PIEZO2: variants seen among roughly 807,000 people sequenced by gnomAD.
PIEZO2 encodes the protein piezo-type mechanosensitive ion channel component 2.
In PIEZO2, 172 loss-of-function variants were observed where a neutral mutation model predicts 337.3. The observed-to-expected ratio is 0.51, with a 90% CI of 0.45 to 0.58. The LOEUF is 0.58. Ranked by LOEUF, PIEZO2 falls within the 20% of genes least tolerant of loss-of-function variation. PIEZO2 has a pLI of 0.00. For missense variants in PIEZO2, 3,028 were observed against 3,391.3 expected (o/e 0.89, Z 2.66); for synonymous variants, 1,251 against 1,228.5 (o/e 1.02, Z -0.38).
chr18:10,898,439 G>A (rs1442228213), intron 4 of PIEZO2, among the ~76,000 whole-genome samples: 2 of 151,932 alleles, frequency 1.3e-5, no homozygotes, highest in East Asian at 1.9e-4. Flanking sequence ...AAAGGAAATA[G>A]GAGAAAGAAA....
At chr18:11,085,857 C>T (rs762810077) in intron 1 of PIEZO2, among the ~76,000 whole-genome samples, 9 of 142,998 alleles carry the variant, frequency 6.3e-5, no homozygotes, top group East Asian at 2.0e-4. Context: ...AAAAAAAAAA[C>T]GGAGAGAGTG....
chr18:10,859,098 T>C lies in PIEZO2; in HGVS notation c.493-1887A>G, dbSNP rs1423819583. 6.6e-6 allele frequency among the ~76,000 whole-genome samples: 1 copy of C among 152,146 alleles called. No individual in the cohort carries two copies. The highest frequency in any genetic ancestry group is 2.4e-5 in the African/African-American group (1 of 41,424). On this transcript the variant is annotated intron_variant, in intron 5 of 55. Transcript: ENST00000674853. The surrounding 1 kb of genome is among the most constrained non-coding windows in gnomAD (Gnocchi z 4.9). ...ATAGGGTGATGTGGTAGTGATAAAC[T>C]GGGTGGCTGTTTCCGATTCAGAGGT...
At chr18:10,915,439 G>A (rs544677583) in intron 3 of PIEZO2, among the ~76,000 whole-genome samples, 5 of 151,956 alleles carry the variant, frequency 3.3e-5, no homozygotes, top group African/African-American at 4.8e-5. Context: ...ACTCAAGATA[G>A]ACAATGAAAA....
intron 2 of PIEZO2, among the ~76,000 whole-genome samples, chr18:11,029,952 TG>T: frequency 6.6e-6 from 1 of 152,240 alleles, no homozygotes. Flanking sequence ...CTCTATGATT[TG>T]ATCTGAACAA....
intron 1 of PIEZO2, among the ~76,000 whole-genome samples, chr18:11,098,628 A>C (rs2039324956): frequency 6.6e-6 from 1 of 151,242 alleles, no homozygotes; most frequent in Non-Finnish European, 1.5e-5. Flanking sequence ...TGTTTAGGTC[A>C]TGAGGGCTCC....
intron 7 of PIEZO2, among the ~76,000 whole-genome samples, chr18:10,844,527 G>A (rs967141991): frequency 6.6e-6 from 1 of 151,804 alleles, no homozygotes; most frequent in South Asian, 2.1e-4. Context: ...GGTGGCTCAC[G>A]CCTGTAATGC....
At chr18:10,936,930 T>A (rs2032433453) in intron 3 of PIEZO2, among the ~76,000 whole-genome samples, 1 of 152,148 alleles carries the variant, frequency 6.6e-6, no homozygotes, top group East Asian at 1.9e-4. Context: ...ACTCCCTCCT[T>A]GTGAATCCCC....
At chr18:10,778,663 C>G (rs138000392) in intron 18 of PIEZO2, among the ~76,000 whole-genome samples, 1 of 152,144 alleles carries the variant, frequency 6.6e-6, no homozygotes, top group South Asian at 2.1e-4. Context: ...TATATTCACA[C>G]AAAAATAGGA....
intron 4 of PIEZO2, among the ~76,000 whole-genome samples, chr18:10,898,034 T>C (rs980174666): frequency 1.3e-5 from 2 of 152,248 alleles, no homozygotes; most frequent in Non-Finnish European, 2.9e-5. Context: ...AAACTGTCTA[T>C]TAAATTAAGT....
At chr18:11,060,812 G>A (rs1261247313) in intron 2 of PIEZO2, among the ~76,000 whole-genome samples, 7 of 152,118 alleles carry the variant, frequency 4.6e-5, no homozygotes, top group African/African-American at 7.2e-5. Flanking sequence ...ATTCACAGCC[G>A]AATTCTACCA....
rs1345924152 is a variant in PIEZO2, at chr18:11,078,719, C to A, written c.65-12497G>T. Among the ~76,000 whole-genome samples the A allele has an allele frequency of 6.6e-6, 1 of 152,186 alleles. No homozygotes were observed. The highest frequency in any genetic ancestry group is 1.5e-5 in the Non-Finnish European group (1 of 68,042). The stretch of plus-strand genomic sequence containing the variant: ...GCCTCTGACCACAGTGTGAAAACCT[C>A]GCTCCCAGAGCAACATCCAAATAGC... On this transcript the variant is annotated intron_variant, in intron 1 of 55. Coordinates refer to ENST00000674853, the MANE Select transcript of PIEZO2 (RefSeq NM_001378183.1). The surrounding 1 kb of genome is among the most constrained non-coding windows in gnomAD (Gnocchi z 5.3).
chr18:10,714,993 A>G, intron 38 of PIEZO2, 63 bp from the exon 39 acceptor site: 1 of 1,474,826 alleles, frequency 6.8e-7, no homozygotes, highest in Non-Finnish European at 9.1e-7. Flanking sequence ...GCCACCTGGC[A>G]TTTCTCAACA....
chr18:10,966,293 C>A (rs915761706), intron 3 of PIEZO2, among the ~76,000 whole-genome samples: 3 of 152,176 alleles, frequency 2.0e-5, no homozygotes, highest in Non-Finnish European at 4.4e-5. Flanking sequence ...TCCTTAATAT[C>A]TCCCCACCAT....
chr18:10,877,091 T>C lies in PIEZO2; in HGVS notation c.330-5676A>G, dbSNP rs2042287219. Among the ~76,000 whole-genome samples, 1 of 152,232 alleles carries C rather than the reference T, an allele frequency of 6.6e-6. No individual in the cohort carries two copies. Among genetic ancestry groups the C allele is most frequent in the Non-Finnish European group, 1.5e-5 (1 of 68,038 alleles). ...CCCCACTAAGAAATTCTGACTTGTA[T>C]TGTAGCCACCAGACTCTTCTCTACG... On this transcript the variant is annotated intron_variant, in intron 4 of 55. Transcript: ENST00000674853. The surrounding 1 kb of genome is among the most constrained non-coding windows in gnomAD (Gnocchi z 5.3).
Position 11,038,972 on chromosome 18 carries a change from C to A in PIEZO2, c.160+27155G>T, listed in dbSNP as rs899235319. ...ATAGGTGGATAGGTGTTTGATATAT[C>A]CTTACGCAAAATAACTGGGCAAAAG... On this transcript the variant is annotated intron_variant, in intron 2 of 55. Coordinates refer to ENST00000674853, the MANE Select transcript of PIEZO2 (RefSeq NM_001378183.1). This position sits in a 1 kb window ranked among gnomAD's most constrained non-coding sequence, Gnocchi z 4.1. Among the ~76,000 whole-genome samples, 10 of 152,104 alleles carry A rather than the reference C, an allele frequency of 6.6e-5. No individual in the cohort carries two copies. Among genetic ancestry groups the A allele is most frequent in the African/African-American group, 2.4e-4 (10 of 41,426 alleles).
chr18:10,757,734 A>C (rs775652109), intron 27 of PIEZO2, among the ~76,000 whole-genome samples: 13 of 151,962 alleles, frequency 8.6e-5, no homozygotes, highest in Non-Finnish European at 1.9e-4. Flanking sequence ...TATGAAGAAG[A>C]GGAGGAGAAC....
rs1049857710 is a variant in PIEZO2, at chr18:11,038,650, C to T, written c.160+27477G>A. ...AGAGCATTCCATCAGAGCCCAGAAA[C>T]GTGGCTTCCTCTACTGGCCCTACCA... On this transcript the variant is annotated intron_variant, in intron 2 of 55. Coordinates refer to ENST00000674853, the MANE Select transcript of PIEZO2 (RefSeq NM_001378183.1). The surrounding 1 kb of genome is among the most constrained non-coding windows in gnomAD (Gnocchi z 4.1). Among the ~76,000 whole-genome samples, 1 of 152,150 alleles carries T rather than the reference C, an allele frequency of 6.6e-6. No individual in the cohort carries two copies.
In PIEZO2 at chr18:10,705,651, G is replaced by A. The variant is rs143388122; in HGVS notation, c.5684C>T (p.Thr1895Met). 84 of 1,536,984 alleles carry A rather than the reference G, an allele frequency of 5.5e-5. No homozygotes were observed. In the East Asian group the frequency reaches 1.3e-3, roughly 23 times the overall value. The part of the protein sequence containing the change: ...EAEQEEEAGS[T>M]APEPREAKEY... ...CTTGGCCTCCCTGGGCTCAGGCGCC[G>A]TGCTCCCTGCCTCCTCCTCCTGCTC... Residue 1895 changes from threonine to methionine, a missense_variant, in exon 41 of 56, where the codon ACG (threonine) becomes ATG (methionine). Thr to Met is a moderately conservative substitution (Grantham distance 81). Around this residue, in one of 5 missense-constraint regions of PIEZO2, gnomAD observed 1,925 missense variants for 2,051.9 expected, o/e 0.94. Transcript: ENST00000674853.
rs2033419669 is a variant in PIEZO2 at position 10,954,078 on chromosome 18, T to A, written c.286+25457A>T. 6.6e-6 allele frequency among the ~76,000 whole-genome samples: 1 copy of A among 152,252 alleles called. No homozygotes were observed. The highest frequency in any genetic ancestry group is 2.1e-4 in the South Asian group (1 of 4,832). On this transcript the variant is annotated intron_variant, in intron 3 of 55. Coordinates refer to ENST00000674853, the MANE Select transcript of PIEZO2 (RefSeq NM_001378183.1). The surrounding 1 kb of genome is among the most constrained non-coding windows in gnomAD (Gnocchi z 4.2). Reference sequence around the variant, plus strand: ...AAGACAGCCTGTGAAATTTTAGGCCTTACACTATATAACTCAGTCTTGAAA... The same window carrying A: ...AAGACAGCCTGTGAAATTTTAGGCCATACACTATATAACTCAGTCTTGAAA...
Sources: allele counts gnomAD v4.1 joint callset (sites outside exome capture counted in the v4.1 genomes callset), GRCh38; gene constraint gnomAD v4.1.1; regional missense constraint gnomAD v4.1.1; non-coding constraint Gnocchi (gnomAD v3.1); transcripts MANE v1.5; gene names NCBI Gene and HGNC (gene_info 2026-07-23, HGNC 2026-07-21).